Variants in FBXL17 observed in about 807,000 individuals in gnomAD.
The protein encoded by FBXL17 is F-box/LRR-repeat protein 17.
FBXL17 carries 22 observed loss-of-function variants against 66.2 expected under a neutral mutation model. The ratio of observed to expected loss-of-function variants is 0.33; its 90% CI spans 0.24 to 0.47. The LOEUF (loss-of-function observed/expected upper bound fraction) is 0.47, where lower values mean the gene tolerates loss of function less well. FBXL17 is among the 20% of genes least tolerant of loss of function. FBXL17 has a pLI of 1.00. For synonymous variants in FBXL17, 474 were observed against 400.5 expected (o/e 1.18, Z -2.19); for missense variants, 878 against 948.2 (o/e 0.93, Z 0.97).
intron 7 of FBXL17, among the ~76,000 whole-genome samples, chr5:107,954,485 T>G (rs1751597960): frequency 6.6e-6 from 1 of 152,110 alleles, no homozygotes; most frequent in Admixed American, 6.6e-5. Context: ...TGTTACAGAG[T>G]GCAAGGGACC....
chr5:108,099,428 C>T (rs549405574), intron 6 of FBXL17, among the ~76,000 whole-genome samples: 16 of 152,006 alleles, frequency 1.1e-4, no homozygotes, highest in Non-Finnish European at 2.1e-4. Flanking sequence ...CATAGGAAAA[C>T]GAAGACCCAA....
At chr5:108,253,257 A>T (rs4431329) in intron 4 of FBXL17, among the ~76,000 whole-genome samples, 111,445 of 151,896 alleles carry the variant, frequency 0.73, 41,169 homozygotes, top group East Asian at 0.93. Flanking sequence ...GATTTTTTTA[A>T]AAATTTTTAT....
chr5:108,073,735 C>A (rs1748430884), intron 6 of FBXL17, among the ~76,000 whole-genome samples: 1 of 152,094 alleles, frequency 6.6e-6, no homozygotes, highest in South Asian at 2.1e-4. Flanking sequence ...AGCAAGAGTT[C>A]ACACAAGATC....
chr5:108,221,672 G>C (rs531265150), intron 5 of FBXL17, among the ~76,000 whole-genome samples: 42 of 152,178 alleles, frequency 2.8e-4, no homozygotes, highest in African/African-American at 9.2e-4. Flanking sequence ...ATGATGATAA[G>C]GAAAACACAA....
rs188549711 is a variant in FBXL17 at position 108,115,081 on chromosome 5, T to C, written c.1745+71036A>G. Reference sequence around the variant, plus strand: ...ATGACAATTGGGCAAATTCAAGACGTATTTAAAGAAAACCTGAGGAATGAT... The same window carrying C: ...ATGACAATTGGGCAAATTCAAGACGCATTTAAAGAAAACCTGAGGAATGAT... On this transcript the variant is annotated intron_variant, in intron 6 of 8. Coordinates refer to ENST00000542267, the MANE Select transcript of FBXL17 (RefSeq NM_001163315.3). Among the ~76,000 whole-genome samples, 424 of 152,294 alleles carry C rather than the reference T, an allele frequency of 2.8e-3. 4 individuals are homozygous for C. Among genetic ancestry groups the C allele is most frequent in the African/African-American group, 9.5e-3 (397 of 41,580 alleles).
chr5:108,319,034 C>G (rs1759498319), intron 4 of FBXL17, among the ~76,000 whole-genome samples: 1 of 151,844 alleles, frequency 6.6e-6, no homozygotes, highest in African/African-American at 2.4e-5. Context: ...TGTCTACTCC[C>G]CTGAAAGACA....
intron 6 of FBXL17, among the ~76,000 whole-genome samples, chr5:108,024,471 T>A (rs1754716687): frequency 6.6e-6 from 1 of 152,118 alleles, no homozygotes; most frequent in South Asian, 2.1e-4. Flanking sequence ...ACAAGATAAC[T>A]CCATATGAAA....
intron 6 of FBXL17, among the ~76,000 whole-genome samples, chr5:108,070,541 C>T (rs531300682): frequency 4.1e-4 from 63 of 152,318 alleles, no homozygotes; most frequent in African/African-American, 1.5e-3. Context: ...TCACAAGATG[C>T]ATCTGCTTTT....
At chr5:108,211,078 C>G (rs934341612) in intron 5 of FBXL17, among the ~76,000 whole-genome samples, 1 of 152,138 alleles carries the variant, frequency 6.6e-6, no homozygotes, top group Admixed American at 6.5e-5. Context: ...CCTTCTTTGT[C>G]TCTTTTGATC....
intron 6 of FBXL17, among the ~76,000 whole-genome samples, chr5:108,098,029 T>C (rs1316637736): frequency 2.0e-5 from 3 of 152,120 alleles, no homozygotes; most frequent in African/African-American, 7.2e-5. Context: ...CTAGATCTCC[T>C]AGAAGAAGCT....
intron 6 of FBXL17, among the ~76,000 whole-genome samples, chr5:108,168,166 C>G (rs1224314426): frequency 7.2e-6 from 1 of 139,126 alleles, no homozygotes; most frequent in East Asian, 2.0e-4. Flanking sequence ...TCCAATTGCC[C>G]TTAAAATAGA....
chr5:107,965,541 A>G (rs1752091529), intron 7 of FBXL17, among the ~76,000 whole-genome samples: 1 of 152,158 alleles, frequency 6.6e-6, no homozygotes, highest in Admixed American at 6.6e-5. Context: ...AAAATAGAAA[A>G]TCCCAGACCT....
At chr5:108,274,825 G>A (rs767673252) in intron 4 of FBXL17, among the ~76,000 whole-genome samples, 10 of 152,096 alleles carry the variant, frequency 6.6e-5, no homozygotes, top group African/African-American at 1.9e-4. Flanking sequence ...CTGACTTCCC[G>A]CAACAAATAA....
chr5:107,920,523 A>T (rs746121264), intron 7 of FBXL17, among the ~76,000 whole-genome samples: 13 of 152,204 alleles, frequency 8.5e-5, no homozygotes, highest in Admixed American at 2.0e-4. Context: ...TTCTAGGTAG[A>T]CATGAATTAT....
At chr5:108,191,535 T>C (rs1299201373) in intron 5 of FBXL17, among the ~76,000 whole-genome samples, 36 of 152,214 alleles carry the variant, frequency 2.4e-4, no homozygotes, top group Non-Finnish European at 4.4e-5. Flanking sequence ...TCCTTCATCA[T>C]AGGAAAGATA....
At chr5:107,920,601 G>C (rs1388132008) in intron 7 of FBXL17, among the ~76,000 whole-genome samples, 1 of 152,032 alleles carries the variant, frequency 6.6e-6, no homozygotes, top group Non-Finnish European at 1.5e-5. Context: ...CAACTTCAAG[G>C]GATAATGAAG....
At chr5:108,353,255 T>A (rs1362061092) in intron 3 of FBXL17, among the ~76,000 whole-genome samples, 1 of 152,106 alleles carries the variant, frequency 6.6e-6, no homozygotes, top group Non-Finnish European at 1.5e-5. Context: ...GCCACAAAAC[T>A]GCAGAGACAG....
chr5:107,894,444 C>T (rs1749306513), intron 7 of FBXL17, among the ~76,000 whole-genome samples: 1 of 152,076 alleles, frequency 6.6e-6, no homozygotes, highest in African/African-American at 2.4e-5. Flanking sequence ...TTTTTACCTG[C>T]CTGACATCAA....
At chr5:107,972,187 GAAAGAAAAGA>G (rs549608400) in intron 7 of FBXL17, among the ~76,000 whole-genome samples, 1 of 152,056 alleles carries the variant, frequency 6.6e-6, no homozygotes, top group Non-Finnish European at 1.5e-5. Flanking sequence ...CTGAATAAAT[GAAAGAAAAGA>G]AAAGAAAAGA....
Sources: allele counts gnomAD v4.1 joint callset (sites outside exome capture counted in the v4.1 genomes callset), GRCh38; gene constraint gnomAD v4.1.1; transcripts MANE v1.5; gene names NCBI Gene and HGNC (gene_info 2026-07-23, HGNC 2026-07-21).